The following ADCY10 variants were observed in gnomAD, a reference collection of about 807,000 sequenced individuals.
The protein encoded by ADCY10 is adenylate cyclase 10.
In ADCY10, 156 loss-of-function variants were observed where a neutral mutation model predicts 183.3. The observed-to-expected ratio is 0.85, with a 90% CI of 0.75 to 0.97. The LOEUF (loss-of-function observed/expected upper bound fraction) is 0.97, where lower values mean the gene tolerates loss of function less well. ADCY10 is among the 50% of genes least tolerant of loss of function. The pLI, the probability that ADCY10 is intolerant of heterozygous loss-of-function variation, is 0.00. For missense variants in ADCY10, 1,745 were observed against 1,934.3 expected, an observed-to-expected ratio of 0.90 and a Z score of 1.84; for synonymous variants, 645 against 670.0, an observed-to-expected ratio of 0.96 and a Z score of 0.58.
At chr1:167,868,890 C>A (rs891197684) in intron 14 of ADCY10, among the ~76,000 whole-genome samples, 4 of 152,182 alleles carry the variant, frequency 2.6e-5, no homozygotes, top group Non-Finnish European at 4.4e-5. Context: ...TTTTAGAAAT[C>A]ATCACTAATA....
intron 8 of ADCY10, 21 bp downstream of exon 8, chr1:167,893,832 T>G (rs1164318160): frequency 6.3e-7 from 1 of 1,575,660 alleles, no homozygotes. Context: ...CCAAAGCCAG[T>G]AAATTCAATT....
chr1:167,854,070 C>A (rs1208491812), intron 18 of ADCY10, among the ~76,000 whole-genome samples: 1 of 151,994 alleles, frequency 6.6e-6, no homozygotes, highest in Non-Finnish European at 1.5e-5. Context: ...AACTCCTGAC[C>A]TCAAGTGATC....
At chr1:167,844,710 G>GA (rs778095163) in intron 21 of ADCY10, among the ~76,000 whole-genome samples, 3 of 151,970 alleles carry the variant, frequency 2.0e-5, no homozygotes, top group Non-Finnish European at 4.4e-5. Flanking sequence ...GAACGAATGA[G>GA]AAAAAAAAGT....
At chr1:167,815,292 C>G (rs572781930) in intron 31 of ADCY10, among the ~76,000 whole-genome samples, 1 of 152,214 alleles carries the variant, frequency 6.6e-6, no homozygotes, top group Admixed American at 6.5e-5. Flanking sequence ...GAAAAGGAAC[C>G]ATTTTGAAAT....
chr1:167,913,547 C>A (rs1398461761), intron 1 of ADCY10, among the ~76,000 whole-genome samples: 1 of 152,136 alleles, frequency 6.6e-6, no homozygotes, highest in African/African-American at 2.4e-5. Flanking sequence ...ATACAAATAT[C>A]CTTGATTATC....
chr1:167,911,532 C>T (rs1670149560), intron 1 of ADCY10, among the ~76,000 whole-genome samples: 2 of 152,176 alleles, frequency 1.3e-5, no homozygotes, highest in Non-Finnish European at 2.9e-5. Context: ...CTACCTTTGC[C>T]TCTTTTAAAA....
intron 9 of ADCY10, among the ~76,000 whole-genome samples, chr1:167,882,792 C>G (rs1416091924): frequency 2.6e-5 from 4 of 152,150 alleles, no homozygotes; most frequent in Non-Finnish European, 4.4e-5. Context: ...CCAGCCTCCC[C>G]CTTACTAGCT....
intron 1 of ADCY10, among the ~76,000 whole-genome samples, chr1:167,907,809 A>G (rs1013811349): frequency 2.0e-5 from 3 of 152,242 alleles, no homozygotes; most frequent in Non-Finnish European, 4.4e-5. Flanking sequence ...CATTTGGCCA[A>G]ATTTCTCATA....
chr1:167,857,206 A>G (rs181769230), intron 16 of ADCY10, among the ~76,000 whole-genome samples: 2 of 152,296 alleles, frequency 1.3e-5, no homozygotes, highest in Admixed American at 1.3e-4. Context: ...CCCAGTTCTC[A>G]CTGCTCCAGA....
Position 167,903,457 on chromosome 1 carries a change from G to A in ADCY10, c.253+430C>T, listed in dbSNP as rs370271876. Among the ~76,000 whole-genome samples the A allele has an allele frequency of 2.0e-5, 3 of 151,854 alleles. 1 individual carries two copies. The highest frequency in any genetic ancestry group is 6.8e-3 in the Middle Eastern group (2 of 294). On this transcript the variant is annotated intron_variant, in intron 3 of 32. Coordinates refer to ENST00000367851, the MANE Select transcript of ADCY10 (RefSeq NM_018417.6). ...CGGGCGCCTGTAATCCTAGCTACTCGGGAGGCTGAGACATGAGAATTGCTT... is the reference window on the plus strand; with the variant it reads ...CGGGCGCCTGTAATCCTAGCTACTCAGGAGGCTGAGACATGAGAATTGCTT...
chr1:167,862,929 A>G (rs2102064367), intron 14 of ADCY10, among the ~76,000 whole-genome samples: 1 of 152,318 alleles, frequency 6.6e-6, no homozygotes, highest in South Asian at 2.1e-4. Flanking sequence ...AGGAAGTAGA[A>G]TGGATTGTCC....
At chr1:167,836,233 T>A in intron 23 of ADCY10, 76 bp downstream of exon 23, 1 of 962,814 alleles carries the variant, frequency 1.0e-6, no homozygotes, top group Non-Finnish European at 1.7e-6. Flanking sequence ...TCAGAAAGCA[T>A]GCTGGAGCTT....
In ADCY10 at chr1:167,880,622, G is replaced by C. The variant is rs565679795; in HGVS notation, c.1021-13C>G. 377 of 1,586,410 alleles carry C rather than the reference G, an allele frequency of 2.4e-4. 3 individuals carry two copies. In the South Asian group the frequency reaches 4.1e-3, roughly 17 times the overall value. On this transcript the variant is annotated splice_polypyrimidine_tract_variant and intron_variant, in intron 9 of 32. Coordinates refer to ENST00000367851, the MANE Select transcript of ADCY10 (RefSeq NM_018417.6). ...GGAAAGAGCAGCCCTGTGAGGGAGA[G>C]AGACAGCAACCACAGCTGATGGACA...
Position 167,856,312 on chromosome 1 carries a change from A to G in ADCY10, c.2024T>C (p.Phe675Ser). 1 of 1,614,132 alleles carries G rather than the reference A, an allele frequency of 6.2e-7. No homozygotes were observed. Among genetic ancestry groups the G allele is most frequent in the Non-Finnish European group, 8.5e-7 (1 of 1,180,010 alleles). Residue 675 changes from phenylalanine (F) to serine (S), a missense_variant, in exon 17 of 33, where the codon TTC becomes TCC. Phe to Ser is a radical substitution (Grantham distance 155). Transcript: ENST00000367851. Reference protein sequence around the residue: ...PIFIIMSLCPFVNIPCAAARA... With the variant: ...PIFIIMSLCPSVNIPCAAARA... Reference sequence around the variant, plus strand: ...GGCAGCTGCACAGGGAATGTTAACGAAGGGACACAGGGACATAATGATGAA... The same window carrying G: ...GGCAGCTGCACAGGGAATGTTAACGGAGGGACACAGGGACATAATGATGAA...
chr1:167,896,059 T>C (rs960981966), intron 7 of ADCY10, among the ~76,000 whole-genome samples: 1 of 151,822 alleles, frequency 6.6e-6, no homozygotes, highest in Non-Finnish European at 1.5e-5. Flanking sequence ...TGAGAAGAGG[T>C]CACCTGGTTT....
intron 18 of ADCY10, 145 bp from the exon 19 acceptor site, chr1:167,848,634 TTTTTG>T (rs547011694): frequency 5.6e-5 from 54 of 965,402 alleles, no homozygotes; most frequent in Non-Finnish European, 7.7e-5. Flanking sequence ...GGAAACCTTT[TTTTTG>T]TTTTGTTTTG....
At chr1:167,889,162 G>A (rs1668436818) in intron 8 of ADCY10, among the ~76,000 whole-genome samples, 2 of 152,164 alleles carry the variant, frequency 1.3e-5, no homozygotes, top group South Asian at 4.1e-4. Flanking sequence ...AGATCTTAGA[G>A]GAAGGGCTTT....
At chr1:167,850,035 G>A (rs1322829303) in intron 18 of ADCY10, among the ~76,000 whole-genome samples, 1 of 152,088 alleles carries the variant, frequency 6.6e-6, no homozygotes, top group African/African-American at 2.4e-5. Context: ...TAGACAAGAG[G>A]GAAAGGTCAC....
intron 14 of ADCY10, among the ~76,000 whole-genome samples, chr1:167,862,162 T>C (rs961992483): frequency 6.6e-6 from 1 of 152,232 alleles, no homozygotes; most frequent in East Asian, 1.9e-4. Flanking sequence ...ACTTTATTGA[T>C]ATTCAGGGCT....
Sources: gnomAD v4.1 joint callset for allele counts (sites outside exome capture counted in the v4.1 genomes callset) on GRCh38, gnomAD v4.1.1 for gene constraint, MANE v1.5 for transcripts, NCBI Gene and HGNC (gene_info 2026-07-23, HGNC 2026-07-21) for gene names.